Variants in FNBP1L observed in about 807,000 individuals in gnomAD.
The protein encoded by FNBP1L is formin-binding protein 1-like.
FNBP1L carries 36 observed loss-of-function variants against 91.2 expected under a neutral mutation model. The observed-to-expected ratio is 0.39, with a 90% confidence interval of 0.30 to 0.52. FNBP1L has a LOEUF of 0.52. Ranked by LOEUF, FNBP1L falls within the 20% of genes least tolerant of loss-of-function variation. The pLI, the probability that FNBP1L is intolerant of heterozygous loss-of-function variation, is 0.66. For missense variants in FNBP1L, 571 were observed against 732.1 expected (o/e 0.78, Z 2.54); for synonymous variants, 242 against 237.0 (o/e 1.02, Z -0.19).
chr1:93,507,107 A>ACTCTCTCT (rs545137195), intron 2 of FNBP1L, among the ~76,000 whole-genome samples: 3 of 45,516 alleles, frequency 6.6e-5, no homozygotes, highest in African/African-American at 9.8e-5. Flanking sequence ...ACACACACAC[A>ACTCTCTCT]CTCTCTCTCT....
chr1:93,545,971 G>C (rs1242494470), intron 12 of FNBP1L, among the ~76,000 whole-genome samples: 1 of 152,058 alleles, frequency 6.6e-6, no homozygotes, highest in Non-Finnish European at 1.5e-5. Flanking sequence ...CATATTAGAA[G>C]TGTCCAGTTG....
intron 1 of FNBP1L, among the ~76,000 whole-genome samples, chr1:93,483,287 T>C (rs973480748): frequency 6.7e-6 from 1 of 150,292 alleles, no homozygotes; most frequent in Non-Finnish European, 1.5e-5. Context: ...TTATATAGAG[T>C]CAATATGAAA....
At chr1:93,467,941 A>G (rs1411921010) in intron 1 of FNBP1L, among the ~76,000 whole-genome samples, 2 of 152,192 alleles carry the variant, frequency 1.3e-5, no homozygotes, top group African/African-American at 4.8e-5. Flanking sequence ...TAAATTTTAC[A>G]TTATGTGTAT....
At position 93,499,632 on chromosome 1, in the gene FNBP1L, C is replaced by T. The variant is rs192418331; in HGVS notation, c.140+49C>T. 111 of 1,084,304 alleles carry T rather than the reference C, an allele frequency of 1.0e-4. No individual in the cohort carries two copies. In the Admixed American group the frequency reaches 1.2e-3, roughly 11 times the overall value. 67.2% of individuals were successfully genotyped at this position (1,084,304 alleles called of 1,614,324 possible). A position where few individuals can be genotyped will look rare whatever the true frequency, so the allele number is the denominator to read the frequency against. ...TTTAGAATGAAATTACATGTTTAAA[C>T]AGTTGAATATTAGAGGAATGTGATA... On this transcript the variant is annotated intron_variant, in intron 2 of 16. Transcript: ENST00000271234.
chr1:93,483,027 A>AC (rs1553211497), intron 1 of FNBP1L, among the ~76,000 whole-genome samples: 10 of 150,634 alleles, frequency 6.6e-5, no homozygotes, highest in Middle Eastern at 3.4e-3. Context: ...AAAAAAAACA[A>AC]AAAAAACAAA....
At chr1:93,458,248 G>T (rs369620093) in intron 1 of FNBP1L, among the ~76,000 whole-genome samples, 59 of 152,218 alleles carry the variant, frequency 3.9e-4, no homozygotes, top group Middle Eastern at 3.4e-3. Context: ...ATAGATCAAA[G>T]ACAGGTTTTT....
chr1:93,490,140 G>A (rs1385165516), intron 1 of FNBP1L, among the ~76,000 whole-genome samples: 3 of 148,700 alleles, frequency 2.0e-5, no homozygotes, highest in African/African-American at 5.0e-5. Flanking sequence ...ATATTAAATA[G>A]TGACTTCTAA....
At chr1:93,525,551 G>A (rs1671465580) in intron 5 of FNBP1L, among the ~76,000 whole-genome samples, 2 of 152,100 alleles carry the variant, frequency 1.3e-5, no homozygotes, top group Admixed American at 1.3e-4. Flanking sequence ...TAATGAGTGT[G>A]TGTGTGTTTT....
At chr1:93,552,249 GT>G in intron 16 of FNBP1L, 159 bp from the exon 17 acceptor site, 1 of 1,420,968 alleles carries the variant, frequency 7.0e-7, no homozygotes, top group South Asian at 1.8e-5. Flanking sequence ...AGTAAGATTG[GT>G]TTTTAATTTT....
At chr1:93,483,629 C>T (rs531210933) in intron 1 of FNBP1L, among the ~76,000 whole-genome samples, 20 of 152,220 alleles carry the variant, frequency 1.3e-4, no homozygotes, top group Middle Eastern at 3.4e-3. Flanking sequence ...ATCAGTGTTG[C>T]TTCTTCCAAA....
At chr1:93,515,065 T>C (rs976007151) in intron 2 of FNBP1L, among the ~76,000 whole-genome samples, 3 of 152,072 alleles carry the variant, frequency 2.0e-5, no homozygotes, top group South Asian at 2.1e-4. Flanking sequence ...CTCAAACAAA[T>C]TTACAAGAAA....
intron 6 of FNBP1L, among the ~76,000 whole-genome samples, chr1:93,529,995 A>C (rs1671622637): frequency 6.6e-6 from 1 of 152,168 alleles, no homozygotes. Context: ...CGTAGTTGCT[A>C]CTGGGATTGA....
intron 1 of FNBP1L, among the ~76,000 whole-genome samples, chr1:93,467,120 G>A (rs769469445): frequency 1.3e-5 from 2 of 152,186 alleles, no homozygotes; most frequent in Non-Finnish European, 2.9e-5. Flanking sequence ...GCCTCCCAAA[G>A]TGCTGGAATT....
intron 5 of FNBP1L, among the ~76,000 whole-genome samples, chr1:93,528,833 G>A (rs1671579001): frequency 6.6e-6 from 1 of 151,946 alleles, no homozygotes; most frequent in African/African-American, 2.4e-5. Flanking sequence ...GGAAAAAACT[G>A]GTTGAATTAT....
In FNBP1L at chr1:93,497,875, C is replaced by T. The variant is rs147893609; in HGVS notation, c.25-1593C>T. Among the ~76,000 whole-genome samples, 186 of 152,184 alleles carry T rather than the reference C, an allele frequency of 1.2e-3. 4 individuals carry two copies. The highest frequency in any genetic ancestry group is 4.2e-3 in the African/African-American group (174 of 41,524). ...CTTCAAGTGATCCACCCACCTCGGC[C>T]TCTCAAAGTGCTGGGATTACAAGTG... On this transcript the variant is annotated intron_variant, in intron 1 of 16. Transcript: ENST00000271234.
intron 1 of FNBP1L, among the ~76,000 whole-genome samples, chr1:93,481,791 T>C (rs961754670): frequency 2.6e-5 from 4 of 152,184 alleles, no homozygotes; most frequent in African/African-American, 9.7e-5. Flanking sequence ...GATGAGAAAT[T>C]TTTTAAAAAT....
At chr1:93,548,707 C>A (rs960189247) in intron 14 of FNBP1L, among the ~76,000 whole-genome samples, 1 of 152,032 alleles carries the variant, frequency 6.6e-6, no homozygotes. Flanking sequence ...AAGCTCTAGG[C>A]GAGTATTCCT....
chr1:93,518,869 C>T (rs548311153), intron 2 of FNBP1L, among the ~76,000 whole-genome samples: 17 of 152,332 alleles, frequency 1.1e-4, no homozygotes, highest in African/African-American at 4.1e-4. Context: ...GTCATTTCCT[C>T]CTCCTCCATG....
At chr1:93,514,790 C>T (rs370593143) in intron 2 of FNBP1L, among the ~76,000 whole-genome samples, 9 of 151,660 alleles carry the variant, frequency 5.9e-5, no homozygotes, top group South Asian at 2.1e-4. Flanking sequence ...AAGACTTAAA[C>T]GTTAGACCTA....
Sources: allele counts gnomAD v4.1 joint callset (sites outside exome capture counted in the v4.1 genomes callset), GRCh38; gene constraint gnomAD v4.1.1; transcripts MANE v1.5; gene names NCBI Gene and HGNC (gene_info 2026-07-23, HGNC 2026-07-21).